Variants in FAM76A observed in about 807,000 individuals in gnomAD.
FAM76A encodes the protein protein FAM76A.
FAM76A carries 32 observed loss-of-function variants against 46.2 expected under a neutral mutation model. That is an observed-to-expected ratio of 0.69 (90% CI 0.52 to 0.93). The LOEUF is 0.93. Ranked by LOEUF, FAM76A falls within the 40% of genes least tolerant of loss-of-function variation. FAM76A has a pLI of 0.00. For synonymous variants in FAM76A, 137 were observed against 127.0 expected, an observed-to-expected ratio of 1.08 and a Z score of -0.53; for missense variants, 274 against 361.5, an observed-to-expected ratio of 0.76 and a Z score of 1.96.
chr1:27,747,932 A>G (rs932812154), intron 5 of FAM76A, among the ~76,000 whole-genome samples: 5 of 152,024 alleles, frequency 3.3e-5, no homozygotes, highest in African/African-American at 1.2e-4. Flanking sequence ...AAAAATAAAA[A>G]TAAAAATAAA....
chr1:27,757,261 T>C (rs189636030), intron 7 of FAM76A, among the ~76,000 whole-genome samples: 14 of 132,276 alleles, frequency 1.1e-4, no homozygotes, highest in Non-Finnish European at 1.7e-4. Flanking sequence ...AGTGGTGCAA[T>C]AGTTCACTGC....
chr1:27,750,159 G>A (rs1011737809), intron 6 of FAM76A, among the ~76,000 whole-genome samples: 9 of 152,156 alleles, frequency 5.9e-5, no homozygotes, highest in Non-Finnish European at 1.5e-5. Context: ...CTCCTTCCCA[G>A]CCAGTAGTGG....
intron 4 of FAM76A, chr1:27,740,330 A>T (rs2088130173): frequency 2.2e-6 from 2 of 923,154 alleles, no homozygotes; most frequent in Non-Finnish European, 3.6e-6. Flanking sequence ...AGTATTTGGC[A>T]CCATGGACTA....
chr1:27,736,783 T>C (rs2088053112), intron 4 of FAM76A, among the ~76,000 whole-genome samples: 1 of 151,592 alleles, frequency 6.6e-6, no homozygotes. Context: ...TTTTAAATTT[T>C]TGTATTTTTA....
At chr1:27,740,712 A>G (rs1479807874) in intron 4 of FAM76A, 1 of 457,496 alleles carries the variant, frequency 2.2e-6, no homozygotes, top group Non-Finnish European at 3.9e-6. Flanking sequence ...ATCATATTGC[A>G]GCTGAGGCAA....
chr1:27,743,385 C>T (rs1375480110), intron 4 of FAM76A, among the ~76,000 whole-genome samples: 2 of 152,176 alleles, frequency 1.3e-5, no homozygotes, highest in Admixed American at 6.6e-5. Context: ...AACTCTTGGG[C>T]TCACGCAGTC....
At chr1:27,739,616 GTC>G (rs2088116407) in intron 4 of FAM76A, among the ~76,000 whole-genome samples, 1 of 151,972 alleles carries the variant, frequency 6.6e-6, no homozygotes, top group South Asian at 2.1e-4. Context: ...GCAAAAGCCC[GTC>G]TCTATAAAAA....
intron 4 of FAM76A, 43 bp from the exon 5 acceptor site, chr1:27,744,611 C>G (rs200519590): frequency 6.2e-7 from 1 of 1,605,554 alleles, no homozygotes; most frequent in Admixed American, 1.7e-5. Flanking sequence ...GCAGCCACTG[C>G]GCTAAATTCC....
chr1:27,732,603 T>C lies in FAM76A; in HGVS notation c.147T>C (p.Ser49=). Residue 49 remains serine, a splice_region_variant and synonymous_variant, in exon 3 of 9, where the codon AGT becomes AGC. Coordinates refer to ENST00000373954, the MANE Select transcript of FAM76A (RefSeq NM_152660.3). ...TYCRTEYQQE[S]KTNTICKKCA... Reference sequence around the variant, plus strand: ...CCTGTGTCTCTTTCTTCCTTAACAGTAAAACCAATACAATATGCAAGAAAT... The same window carrying C: ...CCTGTGTCTCTTTCTTCCTTAACAGCAAAACCAATACAATATGCAAGAAAT... 3 of 1,607,472 alleles carry C rather than the reference T, an allele frequency of 1.9e-6. No homozygotes were observed. The highest frequency in any genetic ancestry group is 2.6e-6 in the Non-Finnish European group (3 of 1,175,186).
chr1:27,741,742 G>GCC (rs2088157449), intron 4 of FAM76A, among the ~76,000 whole-genome samples: 1 of 151,916 alleles, frequency 6.6e-6, no homozygotes, highest in Non-Finnish European at 1.5e-5. Context: ...AATTAGCCAG[G>GCC]CGTGGTGGTG....
At chr1:27,730,822 T>TTGTG (rs1051985788) in intron 2 of FAM76A, among the ~76,000 whole-genome samples, 1 of 152,004 alleles carries the variant, frequency 6.6e-6, no homozygotes, top group African/African-American at 2.4e-5. Context: ...GACTAGTTTT[T>TTGTG]TGTGTGTGTG....
rs999564202 is a variant in FAM76A, at chr1:27,730,548, T to C, written c.147-2055T>C. Among the ~76,000 whole-genome samples, 4 of 152,178 alleles carry C rather than the reference T, an allele frequency of 2.6e-5. No individual in the cohort carries two copies. In the South Asian group the frequency reaches 8.3e-4, roughly 31 times the overall value. The stretch of plus-strand genomic sequence containing the variant: ...AGGAACATATGTATATATTGACATC[T>C]ACCCCATTCCTTCAGTAGTAAATCT... On this transcript the variant is annotated intron_variant, in intron 2 of 8. Coordinates refer to ENST00000373954, the MANE Select transcript of FAM76A (RefSeq NM_152660.3).
chr1:27,753,738 G>A (rs147287120), intron 6 of FAM76A, among the ~76,000 whole-genome samples: 1 of 152,284 alleles, frequency 6.6e-6, no homozygotes, highest in African/African-American at 2.4e-5. Context: ...CTTGCTATTT[G>A]GAGTTTCTTC....
chr1:27,727,194 A>T (rs868438074), intron 1 of FAM76A, among the ~76,000 whole-genome samples: 4 of 152,230 alleles, frequency 2.6e-5, no homozygotes, highest in African/African-American at 9.6e-5. Context: ...CCTGGAATTC[A>T]GGGCTTCTGA....
intron 7 of FAM76A, among the ~76,000 whole-genome samples, chr1:27,756,857 C>G (rs1436730241): frequency 6.6e-6 from 1 of 151,934 alleles, no homozygotes; most frequent in Non-Finnish European, 1.5e-5. Context: ...CCCAGGAATT[C>G]AAGACCAGCC....
At chr1:27,757,704 T>TG (rs2088435183) in intron 7 of FAM76A, among the ~76,000 whole-genome samples, 2 of 150,464 alleles carry the variant, frequency 1.3e-5, no homozygotes, top group Admixed American at 6.6e-5. Flanking sequence ...AGGCCGGGCT[T>TG]GGTGGCTCAT....
At chr1:27,734,207 T>C in intron 4 of FAM76A, 24 bp downstream of exon 4, 2 of 1,564,134 alleles carry the variant, frequency 1.3e-6, no homozygotes, top group Non-Finnish European at 1.7e-6. Flanking sequence ...TTTCTTGATT[T>C]CTTTTTTTCC....
rs2088490017 is a variant in FAM76A at position 27,760,756 on chromosome 1, T to C, written c.*175T>C. On this transcript the variant is annotated 3_prime_UTR_variant, in exon 9 of 9. Coordinates refer to ENST00000373954, the MANE Select transcript of FAM76A (RefSeq NM_152660.3). ...ATGGAAACACCTGGTTTGTGCTGTG[T>C]TAGACTGCATGCTTGAGTGTTTGGG... 2.6e-6 allele frequency: 1 copy of C among 388,066 alleles called. No homozygotes were observed. Among genetic ancestry groups the C allele is most frequent in the Non-Finnish European group, 4.9e-6 (1 of 204,208 alleles). The allele number at this position is 388,066 out of a possible 1,614,324, so 24.0% of individuals were successfully genotyped here.
In FAM76A at chr1:27,761,592, C is replaced by A. The variant is rs192524571; in HGVS notation, c.*1011C>A. The A allele has an allele frequency of 1.3e-5, 2 of 152,634 alleles. No individual in the cohort carries two copies. Among genetic ancestry groups the A allele is most frequent in the Admixed American group, 6.6e-5 (1 of 15,266 alleles). The allele number at this position is 152,634 out of a possible 1,614,324, so 9.5% of individuals were successfully genotyped here. On this transcript the variant is annotated 3_prime_UTR_variant, in exon 9 of 9. Transcript: ENST00000373954. The stretch of plus-strand genomic sequence containing the variant: ...TGCCACTTCTTTAAAAAATAAAATC[C>A]TTTATTTGCTTATATCAGTTGTCAT...
Sources: gnomAD v4.1 joint callset for allele counts (sites outside exome capture counted in the v4.1 genomes callset) on GRCh38, gnomAD v4.1.1 for gene constraint, MANE v1.5 for transcripts, NCBI Gene and HGNC (gene_info 2026-07-23, HGNC 2026-07-21) for gene names.